Variants in PTPRB observed in about 807,000 individuals in gnomAD.
PTPRB encodes protein tyrosine phosphatase receptor type B.
In PTPRB, 97 loss-of-function variants were observed where a neutral mutation model predicts 238.1. The observed-to-expected ratio is 0.41, with a 90% CI of 0.35 to 0.48. The LOEUF is 0.48. Ranked by LOEUF, PTPRB falls within the 20% of genes least tolerant of loss-of-function variation. PTPRB has a pLI of 0.30. For missense variants in PTPRB, 2,292 were observed against 2,681.9 expected (o/e 0.85, Z 3.21); for synonymous variants, 970 against 995.4 (o/e 0.97, Z 0.48).
intron 32 of PTPRB, among the ~76,000 whole-genome samples, chr12:70,530,515 C>G (rs1370102736): frequency 6.6e-6 from 1 of 151,818 alleles, no homozygotes; most frequent in Non-Finnish European, 1.5e-5. Flanking sequence ...TACATACACA[C>G]GTGTACACAT....
chr12:70,566,441 G>A lies in PTPRB; in HGVS notation c.3898C>T (p.Arg1300Ter). 1.2e-6 allele frequency: 2 copies of A among 1,613,566 alleles called. No homozygotes were observed. Among genetic ancestry groups the A allele is most frequent in the South Asian group, 1.1e-5 (1 of 91,036 alleles). Residue 1300 changes from arginine to a stop codon, truncating the protein, a stop_gained, in exon 15 of 34, where the codon CGA becomes TGA. Transcript: ENST00000334414. LOFTEE classifies it high-confidence loss of function. ...LFSKEAQTEG[R>*]TVPAAVTDLR... ...ATTATGCTGTGCTAATTACCTGTTC[G>A]GCCTTCAGTCTGGGCTTCCTTGCTA...
At chr12:70,584,198 A>T (rs775201157) in intron 9 of PTPRB, among the ~76,000 whole-genome samples, 4 of 152,216 alleles carry the variant, frequency 2.6e-5, no homozygotes, top group Non-Finnish European at 5.9e-5. Context: ...TAATGAAATG[A>T]ATCAAAGATA....
intron 15 of PTPRB, 98 bp from the exon 16 acceptor site, chr12:70,563,205 G>C: frequency 8.4e-7 from 1 of 1,186,334 alleles, no homozygotes; most frequent in Non-Finnish European, 1.2e-6. Context: ...AGAGGAAGTT[G>C]GATTCAGTGA....
At chr12:70,590,786 G>A (rs909985331) in intron 7 of PTPRB, among the ~76,000 whole-genome samples, 5 of 151,800 alleles carry the variant, frequency 3.3e-5, no homozygotes, top group African/African-American at 4.8e-5. Flanking sequence ...CCGGTTGTAT[G>A]TTCTGTAGAC....
rs1045289589 is a variant in PTPRB, at chr12:70,571,238, A to C, written c.3158T>G (p.Leu1053Trp). ...LTLRNRSTED[L>W]HVTWSGANGD... is the part of the protein sequence containing the mutation. The stretch of plus-strand genomic sequence containing the variant: ...ATTAGCTCCTGACCAAGTCACATGC[A>C]AGTCCTCAGTGCTCCTGTTGCGCAA... Residue 1053 changes from leucine to tryptophan, a missense_variant, in exon 13 of 34, where the codon TTG becomes TGG. Around this residue, in one of 4 missense-constraint regions of PTPRB, gnomAD observed 1,205 missense variants for 1,287.8 expected, o/e 0.94. Coordinates refer to ENST00000334414, the MANE Select transcript of PTPRB (RefSeq NM_001109754.4). 1 of 1,611,646 alleles carries C rather than the reference A, an allele frequency of 6.2e-7. No individual in the cohort carries two copies. The highest frequency in any genetic ancestry group is 1.7e-5 in the Admixed American group (1 of 60,026).
intron 21 of PTPRB, among the ~76,000 whole-genome samples, chr12:70,548,356 A>T (rs879287903): frequency 0.14 from 19,388 of 137,630 alleles, 1,398 homozygotes; most frequent in South Asian, 0.18. Context: ...TCACACACAC[A>T]CACACACACA....
rs747153191 is a variant in PTPRB, at chr12:70,589,971, G to T, written c.2043C>A (p.Gly681=). ...ATCTTCATATTTGCCTACCTGTCCT[G>T]CCTTGGCAACGCTCAGAATTCTTCA... The part of the protein sequence containing the change: ...GNLKNSERCQ[G]RTVPLAVLQL... The change falls in exon 8 of 34, where the codon GGC becomes GGA. Residue 681 remains glycine (G), a synonymous_variant. Coordinates refer to ENST00000334414, the MANE Select transcript of PTPRB (RefSeq NM_001109754.4). 6.2e-7 allele frequency: 1 copy of T among 1,613,402 alleles called. No individual in the cohort carries two copies. Among genetic ancestry groups the T allele is most frequent in the Non-Finnish European group, 8.5e-7 (1 of 1,179,750 alleles).
intron 13 of PTPRB, 146 bp downstream of exon 13, chr12:70,570,880 A>T: frequency 1.1e-6 from 1 of 885,858 alleles, no homozygotes; most frequent in African/African-American, 1.7e-5. Flanking sequence ...AGGTTGGACA[A>T]CATCATTGTC....
At chr12:70,582,155 C>T (rs1385870445) in intron 9 of PTPRB, among the ~76,000 whole-genome samples, 4 of 152,024 alleles carry the variant, frequency 2.6e-5, no homozygotes, top group African/African-American at 7.2e-5. Context: ...GGCACTTGGT[C>T]AACATACATT....
At chr12:70,563,218 C>T (rs182681871) in intron 15 of PTPRB, 111 bp from the exon 16 acceptor site, 37 of 1,092,084 alleles carry the variant, frequency 3.4e-5, no homozygotes, top group Middle Eastern at 2.8e-4. Flanking sequence ...TTCAGTGATA[C>T]GGGAAACAGT....
At chr12:70,615,655 C>T (rs1269196945) in intron 3 of PTPRB, among the ~76,000 whole-genome samples, 2 of 152,200 alleles carry the variant, frequency 1.3e-5, no homozygotes, top group South Asian at 2.1e-4. Context: ...CACCACAGTT[C>T]CTGCCACCCC....
At chr12:70,617,150 G>A (rs376280823) in intron 3 of PTPRB, among the ~76,000 whole-genome samples, 8 of 152,138 alleles carry the variant, frequency 5.3e-5, no homozygotes, top group Admixed American at 1.3e-4. Context: ...GGAAAACAAT[G>A]CAAATCGCCC....
At chr12:70,585,479 TG>T (rs1023630889) in intron 9 of PTPRB, among the ~76,000 whole-genome samples, 1 of 151,736 alleles carries the variant, frequency 6.6e-6, no homozygotes, top group Non-Finnish European at 1.5e-5. Context: ...ATCATGGGAG[TG>T]GTTTCCCCCA....
intron 17 of PTPRB, 41 bp from the exon 18 acceptor site, chr12:70,559,665 A>G (rs749486270): frequency 2.0e-6 from 3 of 1,520,624 alleles, no homozygotes; most frequent in Non-Finnish European, 1.8e-6. Context: ...AATCACAGCT[A>G]TGCCATAACA....
At chr12:70,547,566 CAG>C (rs1264881212) in intron 21 of PTPRB, among the ~76,000 whole-genome samples, 1 of 139,868 alleles carries the variant, frequency 7.1e-6, no homozygotes, top group Non-Finnish European at 1.5e-5. Flanking sequence ...GCTCTGTCAC[CAG>C]GTTGGAATGC....
At chr12:70,622,916 GA>G (rs1464202997) in intron 2 of PTPRB, among the ~76,000 whole-genome samples, 1 of 146,564 alleles carries the variant, frequency 6.8e-6, no homozygotes, top group Non-Finnish European at 1.5e-5. Flanking sequence ...GCGCTGTGTA[GA>G]AAAGAGAATT....
chr12:70,592,634 A>T (rs2136466570), intron 6 of PTPRB, 89 bp from the exon 7 acceptor site: 4 of 1,366,218 alleles, frequency 2.9e-6, no homozygotes, highest in Non-Finnish European at 4.0e-6. Flanking sequence ...TTATTTCTGC[A>T]AGCCACATTC....
chr12:70,561,309 C>A (rs1008495192), intron 16 of PTPRB, among the ~76,000 whole-genome samples: 14 of 152,152 alleles, frequency 9.2e-5, no homozygotes, highest in African/African-American at 3.4e-4. Flanking sequence ...CCCATAACAA[C>A]CCTCTCTGGG....
chr12:70,615,224 G>A (rs923288212), intron 3 of PTPRB, among the ~76,000 whole-genome samples: 1 of 152,122 alleles, frequency 6.6e-6, no homozygotes, highest in African/African-American at 2.4e-5. Context: ...ATCTTTCTGA[G>A]AACATCCAAA....
Sources: allele counts gnomAD v4.1 joint callset (sites outside exome capture counted in the v4.1 genomes callset), GRCh38; gene constraint gnomAD v4.1.1; regional missense constraint gnomAD v4.1.1; transcripts MANE v1.5; gene names NCBI Gene and HGNC (gene_info 2026-07-23, HGNC 2026-07-21).